Variants in ISM1 observed in about 807,000 individuals in gnomAD.
ISM1 encodes isthmin-1.
In ISM1, 25 loss-of-function variants were observed where a neutral mutation model predicts 46.3. The ratio of observed to expected loss-of-function variants is 0.54; its 90% CI spans 0.39 to 0.75. The LOEUF is 0.75. Ranked by LOEUF, ISM1 falls within the 30% of genes least tolerant of loss-of-function variation. The probability of loss-of-function intolerance (pLI) is 0.00; values close to 1 mark genes in which losing one functional copy is unlikely to be tolerated. For synonymous variants in ISM1, 255 were observed against 256.7 expected, an observed-to-expected ratio of 0.99 and a Z score of 0.06; for missense variants, 536 against 625.4, an observed-to-expected ratio of 0.86 and a Z score of 1.52.
At chr20:13,245,442 T>C (rs1174928896) in intron 1 of ISM1, 1 of 152,206 alleles carries the variant, frequency 6.6e-6, no homozygotes, top group Non-Finnish European at 1.5e-5. Flanking sequence ...CATTCCATCA[T>C]GTTTGCCATA....
the ISM1 span, among the ~76,000 whole-genome samples, chr20:13,314,323 G>A: frequency 6.6e-6 from 1 of 151,638 alleles, no homozygotes; most frequent in Non-Finnish European, 1.5e-5. Context: ...CCTACACCTA[G>A]GCATATGATT....
chr20:13,321,259 A>T, the ISM1 span, among the ~76,000 whole-genome samples: 2 of 148,262 alleles, frequency 1.3e-5, no homozygotes, highest in African/African-American at 4.9e-5. Context: ...CACATAAAAA[A>T]AAAAAAAAAA....
intron 1 of ISM1, among the ~76,000 whole-genome samples, chr20:13,249,825 G>A (rs1206768474): frequency 7.6e-6 from 1 of 131,226 alleles, no homozygotes; most frequent in African/African-American, 3.1e-5. Context: ...GTTTTGTTTT[G>A]TTTTGTTTTG....
At chr20:13,258,015 G>A (rs1190075723) in intron 1 of ISM1, among the ~76,000 whole-genome samples, 1 of 151,990 alleles carries the variant, frequency 6.6e-6, no homozygotes, top group Non-Finnish European at 1.5e-5. Flanking sequence ...TGTGGAAGAG[G>A]GGCACTCATG....
intron 1 of ISM1, among the ~76,000 whole-genome samples, chr20:13,262,101 A>C (rs984502509): frequency 2.6e-5 from 4 of 152,238 alleles, no homozygotes; most frequent in African/African-American, 9.6e-5. Flanking sequence ...AGTCCTAGAC[A>C]GTTACCACTC....
chr20:13,265,950 C>G (rs1043944588), intron 1 of ISM1, among the ~76,000 whole-genome samples: 53 of 152,194 alleles, frequency 3.5e-4, no homozygotes, highest in African/African-American at 1.2e-3. Flanking sequence ...ACTACAGCCT[C>G]CATCCTCAGG....
At chr20:13,226,792 T>C (rs1191170386) in intron 1 of ISM1, among the ~76,000 whole-genome samples, 1 of 152,202 alleles carries the variant, frequency 6.6e-6, no homozygotes. Flanking sequence ...GACCTATTGA[T>C]GAGTTTGCAC....
downstream of ISM1, among the ~76,000 whole-genome samples, chr20:13,303,542 C>G (rs1052830369): frequency 1.7e-4 from 26 of 152,190 alleles, no homozygotes; most frequent in African/African-American, 5.8e-4. Context: ...AGGCACCTAA[C>G]CTTCCTACAT....
intron 3 of ISM1, among the ~76,000 whole-genome samples, chr20:13,280,462 A>G (rs971767335): frequency 4.7e-5 from 7 of 149,858 alleles, no homozygotes; most frequent in Admixed American, 4.0e-4. Context: ...GGAGTAGGAT[A>G]AGTGAGGTAA....
At chr20:13,243,713 T>A (rs6134829) in intron 1 of ISM1, among the ~76,000 whole-genome samples, 37,557 of 151,954 alleles carry the variant, frequency 0.25, 4,689 homozygotes, top group African/African-American at 0.3. Context: ...GCATGCCCAA[T>A]ATTTTAAGCT....
downstream of ISM1, among the ~76,000 whole-genome samples, chr20:13,301,346 G>C (rs889896644): frequency 6.6e-6 from 1 of 152,070 alleles, no homozygotes; most frequent in Non-Finnish European, 1.5e-5. Context: ...GTGCCACCAC[G>C]CCTGGCTAAC....
intron 1 of ISM1, among the ~76,000 whole-genome samples, chr20:13,241,979 CT>C (rs1306799061): frequency 6.6e-6 from 1 of 151,990 alleles, no homozygotes; most frequent in Non-Finnish European, 1.5e-5. Flanking sequence ...TAAAAGAACA[CT>C]TGTTGAAGAA....
At chr20:13,281,448 G>A (rs975830087) in intron 3 of ISM1, among the ~76,000 whole-genome samples, 1 of 152,206 alleles carries the variant, frequency 6.6e-6, no homozygotes, top group Non-Finnish European at 1.5e-5. Flanking sequence ...CCATGCACTA[G>A]TCCCTGTTCA....
intron 3 of ISM1, among the ~76,000 whole-genome samples, chr20:13,284,919 G>A (rs1479046366): frequency 6.6e-6 from 1 of 152,206 alleles, no homozygotes; most frequent in Non-Finnish European, 1.5e-5. Context: ...TTCAGAGTCT[G>A]GCAGCTGTCT....
downstream of ISM1, among the ~76,000 whole-genome samples, chr20:13,303,116 T>C (rs755893686): frequency 3.3e-5 from 5 of 152,170 alleles, no homozygotes; most frequent in Non-Finnish European, 7.4e-5. Flanking sequence ...CCAACAAGGT[T>C]AGCTAACTTG....
At chr20:13,227,142 T>TTGGG (rs1157280448) in intron 1 of ISM1, among the ~76,000 whole-genome samples, 3 of 152,196 alleles carry the variant, frequency 2.0e-5, no homozygotes, top group Non-Finnish European at 4.4e-5. Context: ...TAGAATTTGT[T>TTGGG]TGGGTGTCTT....
At chr20:13,302,815 C>A (rs4814218), downstream of ISM1, among the ~76,000 whole-genome samples, 99,345 of 152,014 alleles carry the variant, frequency 0.65, 33,640 homozygotes, top group African/African-American at 0.84. Flanking sequence ...GAGATGCCCA[C>A]GGCCCTCTAG....
At chr20:13,263,215 CA>C (rs2123227647) in intron 1 of ISM1, among the ~76,000 whole-genome samples, 1 of 152,324 alleles carries the variant, frequency 6.6e-6, no homozygotes, top group South Asian at 2.1e-4. Flanking sequence ...CCATCATACA[CA>C]GGCTTCATGA....
At chr20:13,232,227 T>C (rs907015222) in intron 1 of ISM1, among the ~76,000 whole-genome samples, 4 of 152,216 alleles carry the variant, frequency 2.6e-5, no homozygotes, top group Non-Finnish European at 5.9e-5. Context: ...AATTTGACAA[T>C]ACTGACACCT....
Sources: gnomAD v4.1 joint callset for allele counts (sites outside exome capture counted in the v4.1 genomes callset) on GRCh38, gnomAD v4.1.1 for gene constraint, MANE v1.5 for transcripts, NCBI Gene and HGNC (gene_info 2026-07-23, HGNC 2026-07-21) for gene names.